The following PTPRE variants were observed in gnomAD, a reference collection of about 807,000 sequenced individuals.
PTPRE encodes the protein receptor-type tyrosine-protein phosphatase epsilon.
In PTPRE, 51 loss-of-function variants were observed where a neutral mutation model predicts 102.0. The ratio of observed to expected loss-of-function variants is 0.50; its 90% CI spans 0.40 to 0.63. The LOEUF (loss-of-function observed/expected upper bound fraction) is 0.63. PTPRE is among the 30% of genes least tolerant of loss of function. The pLI, the probability that PTPRE is intolerant of heterozygous loss-of-function variation, is 0.00. For synonymous variants in PTPRE, 345 were observed against 348.2 expected, an observed-to-expected ratio of 0.99 and a Z score of 0.10; for missense variants, 752 against 915.1, an observed-to-expected ratio of 0.82 and a Z score of 2.30.
intron 2 of PTPRE, among the ~76,000 whole-genome samples, chr10:128,001,464 A>G (rs2135555962): frequency 6.6e-6 from 1 of 152,240 alleles, no homozygotes; most frequent in East Asian, 1.9e-4. Context: ...TCAGACCCCC[A>G]TTTTAATGGA....
At chr10:128,062,950 C>T (rs1849739806) in intron 9 of PTPRE, 133 bp from the exon 10 acceptor site, 14 of 1,457,406 alleles carry the variant, frequency 9.6e-6, no homozygotes, top group African/African-American at 2.8e-5. Context: ...CAGGGCATGA[C>T]GTGTGTGTCC....
At chr10:127,955,448 A>C (rs7922467) in intron 1 of PTPRE, among the ~76,000 whole-genome samples, 14,743 of 152,246 alleles carry the variant, frequency 0.097, 827 homozygotes, top group African/African-American at 0.14. Context: ...AGTTACAGAA[A>C]CAGACTGTTA....
intron 1 of PTPRE, among the ~76,000 whole-genome samples, chr10:127,912,748 C>T (rs754369473): frequency 6.6e-6 from 1 of 152,244 alleles, no homozygotes; most frequent in Non-Finnish European, 1.5e-5. Flanking sequence ...ACTCTGTCGT[C>T]AGCTCCCAGG....
chr10:128,029,649 A>G (rs1846562251), intron 2 of PTPRE, among the ~76,000 whole-genome samples: 1 of 152,230 alleles, frequency 6.6e-6, no homozygotes, highest in Non-Finnish European at 1.5e-5. Context: ...CTATTTCTGA[A>G]TAGAGAAAAT....
At chr10:128,014,177 C>T (rs939011337) in intron 2 of PTPRE, among the ~76,000 whole-genome samples, 1 of 152,158 alleles carries the variant, frequency 6.6e-6, no homozygotes, top group African/African-American at 2.4e-5. Context: ...TTGGCAGGGA[C>T]CCCAGCTCCA....
intron 2 of PTPRE, among the ~76,000 whole-genome samples, chr10:128,003,896 C>T (rs1231271708): frequency 6.6e-6 from 1 of 152,100 alleles, no homozygotes; most frequent in African/African-American, 2.4e-5. Flanking sequence ...CGGATGCTCC[C>T]ATTTATATCA....
chr10:128,008,040 C>T lies in PTPRE; in HGVS notation c.-8+25744C>T, dbSNP rs1269625518. The stretch of plus-strand genomic sequence containing the variant: ...GCTGCTTACAGGGGTTGCACTGGGG[C>T]TGGTAGTCAGCTTCCTCCAGGAAGA... On this transcript the variant is annotated intron_variant, in intron 2 of 20. Transcript: ENST00000254667. This position sits in a 1 kb window ranked among gnomAD's most constrained non-coding sequence, Gnocchi z 4.0. Among the ~76,000 whole-genome samples the T allele has an allele frequency of 2.6e-5, 4 of 152,274 alleles. No homozygotes were observed. In the East Asian group the frequency reaches 7.7e-4, roughly 29 times the overall value.
At chr10:128,058,300 G>A (rs975003372) in intron 7 of PTPRE, among the ~76,000 whole-genome samples, 3 of 152,164 alleles carry the variant, frequency 2.0e-5, no homozygotes, top group African/African-American at 7.2e-5. Context: ...TCTGAGCCAC[G>A]TTCTCAAGTC....
intron 1 of PTPRE, among the ~76,000 whole-genome samples, chr10:127,979,330 C>T (rs1051555428): frequency 1.3e-5 from 2 of 152,220 alleles, no homozygotes; most frequent in African/African-American, 4.8e-5. Context: ...CAGTTTCCAA[C>T]TTGTTGCTCA....
intron 1 of PTPRE, among the ~76,000 whole-genome samples, chr10:127,972,036 G>A (rs1850783587): frequency 6.6e-6 from 1 of 152,172 alleles, no homozygotes; most frequent in Admixed American, 6.5e-5. Context: ...GAGCCGGGTG[G>A]GAAGATGGTA....
In PTPRE at chr10:127,961,835, C is replaced by T. The variant is rs539251676; in HGVS notation, c.-30-20439C>T. On this transcript the variant is annotated intron_variant, in intron 1 of 20. Coordinates refer to ENST00000254667, the MANE Select transcript of PTPRE (RefSeq NM_006504.6). ...CCAGGCTGTCTTGCTCATGCTCTGC[C>T]GCCAGGACTAGCCGGGCCGGGTACC... Among the ~76,000 whole-genome samples, 20 of 152,246 alleles carry T rather than the reference C, an allele frequency of 1.3e-4. 1 individual carries two copies. Among genetic ancestry groups the T allele is most frequent in the Non-Finnish European group, 1.8e-4 (12 of 68,012 alleles).
At chr10:127,919,626 C>T (rs1846452346) in intron 1 of PTPRE, among the ~76,000 whole-genome samples, 1 of 152,184 alleles carries the variant, frequency 6.6e-6, no homozygotes, top group African/African-American at 2.4e-5. Flanking sequence ...TCTGTTTAGA[C>T]AGAAGTGCAC....
At chr10:128,066,294 A>T in intron 11 of PTPRE, 100 bp downstream of exon 11, 1 of 1,538,922 alleles carries the variant, frequency 6.5e-7, no homozygotes, top group Non-Finnish European at 8.8e-7. Flanking sequence ...CTTTGCTCCC[A>T]GCCCGGCACT....
intron 16 of PTPRE, chr10:128,072,429 G>A: frequency 2.2e-6 from 1 of 457,328 alleles, no homozygotes; most frequent in South Asian, 3.4e-5. Flanking sequence ...AAGGCGGGCA[G>A]ATCACTTGGG....
At chr10:128,024,768 C>T (rs571514029) in intron 2 of PTPRE, among the ~76,000 whole-genome samples, 5 of 152,084 alleles carry the variant, frequency 3.3e-5, no homozygotes, top group Admixed American at 6.6e-5. Flanking sequence ...GGACTTCCTG[C>T]GGCTTTAAAA....
chr10:128,034,295 T>G (rs1323810158), intron 2 of PTPRE, among the ~76,000 whole-genome samples: 1 of 151,522 alleles, frequency 6.6e-6, no homozygotes, highest in Non-Finnish European at 1.5e-5. Context: ...ATTCAATAAA[T>G]GGAGCACCCA....
intron 1 of PTPRE, among the ~76,000 whole-genome samples, chr10:127,951,104 A>G (rs536710462): frequency 3.3e-5 from 5 of 151,226 alleles, no homozygotes; most frequent in African/African-American, 1.2e-4. Context: ...TAAATAAATA[A>G]AGTGAAATAG....
At chr10:127,977,407 C>T (rs1851262051) in intron 1 of PTPRE, among the ~76,000 whole-genome samples, 2 of 152,164 alleles carry the variant, frequency 1.3e-5, no homozygotes, top group Non-Finnish European at 2.9e-5. Context: ...TGTAAATGCA[C>T]TTCCAAAAAA....
At chr10:128,014,186 CA>C (rs1845242286) in intron 2 of PTPRE, among the ~76,000 whole-genome samples, 1 of 152,132 alleles carries the variant, frequency 6.6e-6, no homozygotes, top group Non-Finnish European at 1.5e-5. Flanking sequence ...ACCCCAGCTC[CA>C]CAGGTCCCCT....
Sources: gnomAD v4.1 joint callset for allele counts (sites outside exome capture counted in the v4.1 genomes callset) on GRCh38, gnomAD v4.1.1 for gene constraint, Gnocchi (gnomAD v3.1) non-coding constraint, MANE v1.5 for transcripts, NCBI Gene and HGNC (gene_info 2026-07-23, HGNC 2026-07-21) for gene names.